The following ASNS variants were observed in gnomAD, a reference collection of about 807,000 sequenced individuals.
ASNS encodes asparagine synthetase (glutamine-hydrolyzing).
ASNS carries 37 observed loss-of-function variants against 62.6 expected under a neutral mutation model. That is an observed-to-expected ratio of 0.59 (90% confidence interval 0.45 to 0.78). The LOEUF is 0.78. Ranked by LOEUF, ASNS falls within the 30% of genes least tolerant of loss-of-function variation. ASNS has a pLI of 0.00. For synonymous variants in ASNS, 207 were observed against 237.9 expected (o/e 0.87, Z 1.19); for missense variants, 520 against 682.4 (o/e 0.76, Z 2.65).
chr7:97,887,046 A>C, the ASNS span, among the ~76,000 whole-genome samples: 1 of 152,314 alleles, frequency 6.6e-6, no homozygotes, highest in Admixed American at 6.5e-5. Flanking sequence ...GTAAAAGTCT[A>C]TATATATATT....
chr7:97,922,991 T>C, the ASNS span, among the ~76,000 whole-genome samples: 1 of 146,232 alleles, frequency 6.8e-6, no homozygotes, highest in Non-Finnish European at 1.5e-5. Context: ...AGTTCCGCCA[T>C]GTTGGCTAGG....
chr7:97,889,152 T>C, the ASNS span, among the ~76,000 whole-genome samples: 1 of 152,270 alleles, frequency 6.6e-6, no homozygotes, highest in African/African-American at 2.4e-5. Flanking sequence ...CCACCACCGC[T>C]ACCACTGATG....
At chr7:97,886,280 G>A in the ASNS span, among the ~76,000 whole-genome samples, 1 of 152,056 alleles carries the variant, frequency 6.6e-6, no homozygotes, top group Admixed American at 6.6e-5. Flanking sequence ...CCTGAGTAGT[G>A]TGGGACTACA....
intron 3 of ASNS, 131 bp from the exon 4 acceptor site, chr7:97,864,627 A>G: frequency 1.5e-6 from 1 of 679,118 alleles, no homozygotes; most frequent in Admixed American, 2.6e-5. Context: ...TAGGAGAATC[A>G]CAGCATTATT....
At chr7:97,861,179 G>A (rs749674385) in intron 4 of ASNS, among the ~76,000 whole-genome samples, 3 of 151,886 alleles carry the variant, frequency 2.0e-5, no homozygotes, top group African/African-American at 7.3e-5. Context: ...CCGCCACCAC[G>A]CCCGGCTAAT....
chr7:97,909,666 GC>G, the ASNS span, among the ~76,000 whole-genome samples: 1 of 151,870 alleles, frequency 6.6e-6, no homozygotes, highest in Non-Finnish European at 1.5e-5. Context: ...AGTCAGAATG[GC>G]CCCCACGTGG....
the ASNS span, among the ~76,000 whole-genome samples, chr7:97,911,916 A>C: frequency 6.6e-6 from 1 of 152,212 alleles, no homozygotes; most frequent in Non-Finnish European, 1.5e-5. Context: ...GTGCCTCTAG[A>C]AGTGTCCAAG....
At chr7:97,855,517 C>G in intron 8 of ASNS, 58 bp from the exon 9 acceptor site, 1 of 1,307,468 alleles carries the variant, frequency 7.6e-7, no homozygotes, top group Non-Finnish European at 1.1e-6. Flanking sequence ...CCAAAAATGC[C>G]TTTGATTTGA....
chr7:97,903,082 G>A, the ASNS span, among the ~76,000 whole-genome samples: 1 of 152,102 alleles, frequency 6.6e-6, no homozygotes, highest in South Asian at 2.1e-4. Flanking sequence ...AGAAATTGCT[G>A]AGCCAAAATG....
Position 97,852,059 on chromosome 7 carries a change from G to C in ASNS, c.*200C>G, listed in dbSNP as rs1280039575. ...CCTAGCTTACCCTCCACTTTACTGT[G>C]ATACAGCAAAACAGTTCTAGTTACC... On this transcript the variant is annotated 3_prime_UTR_variant, in exon 13 of 13. Coordinates refer to ENST00000394308, the MANE Select transcript of ASNS (RefSeq NM_001673.5). 3.3e-6 allele frequency: 2 copies of C among 607,632 alleles called. No individual in the cohort carries two copies. Among genetic ancestry groups the C allele is most frequent in the Non-Finnish European group, 5.7e-6 (2 of 353,808 alleles). The allele number at this position is 607,632 out of a possible 1,614,324, so 37.6% of individuals were successfully genotyped here.
rs1481539409 is a variant in ASNS at position 97,859,284 on chromosome 7, AT to A, written c.601del (p.Met201TrpfsTer28). On this transcript the variant is annotated frameshift_variant, in exon 5 of 13. Coordinates refer to ENST00000394308, the MANE Select transcript of ASNS (RefSeq NM_001673.5). LOFTEE classifies it high-confidence loss of function. ...ATCCCGACAGTGATGATATTTAACC[AT>A]TTCCACGGATGCAACTTTGCCATTT... is the stretch of plus-strand genomic sequence containing the variant. ...KPNGKVASVEMVKYHHCRDVP... is the reference protein window; with the variant it reads ...KPNGKVASVEXVKYHHCRDVP... 2.5e-6 allele frequency: 4 copies of A among 1,614,074 alleles called. No individual in the cohort carries two copies. Among genetic ancestry groups the A allele is most frequent in the Non-Finnish European group, 3.4e-6 (4 of 1,180,044 alleles).
the ASNS span, among the ~76,000 whole-genome samples, chr7:97,899,630 T>C: frequency 6.6e-6 from 1 of 152,254 alleles, no homozygotes; most frequent in East Asian, 1.9e-4. Flanking sequence ...CTACCAGCCC[T>C]AAGCAACCAC....
chr7:97,876,110 G>A (rs1218279939), upstream of ASNS, among the ~76,000 whole-genome samples: 2 of 152,140 alleles, frequency 1.3e-5, no homozygotes, highest in Admixed American at 1.3e-4. Context: ...ACCTGCCTCG[G>A]CCTCCCAAAG....
At chr7:97,855,987 T>C (rs1170211893) in intron 8 of ASNS, among the ~76,000 whole-genome samples, 1 of 152,208 alleles carries the variant, frequency 6.6e-6, no homozygotes, top group Non-Finnish European at 1.5e-5. Context: ...TTGTTTTTAT[T>C]ATCACCTCAG....
At chr7:97,908,891 T>C in the ASNS span, 3 of 152,172 alleles carry the variant, frequency 2.0e-5, no homozygotes, top group Admixed American at 6.6e-5. Flanking sequence ...AGGGCCTGCA[T>C]GCAGAGTGAG....
At chr7:97,891,064 C>A in the ASNS span, among the ~76,000 whole-genome samples, 131 of 133,922 alleles carry the variant, frequency 9.8e-4, no homozygotes, top group East Asian at 4.8e-3. Context: ...ACATACCTGA[C>A]TGAGACTGGG....
the ASNS span, among the ~76,000 whole-genome samples, chr7:97,882,675 C>T: frequency 8.5e-3 from 1,289 of 151,908 alleles, 16 homozygotes; most frequent in African/African-American, 0.03. Context: ...AAACTAGAAT[C>T]ACTCCATTGA....
chr7:97,852,959 C>G (rs1156490212), intron 12 of ASNS, 101 bp downstream of exon 12: 1 of 1,151,160 alleles, frequency 8.7e-7, no homozygotes, highest in Admixed American at 3.1e-5. Context: ...ATCATTCAAA[C>G]TAAATACATG....
the ASNS span, among the ~76,000 whole-genome samples, chr7:97,903,539 C>T: frequency 1.8e-4 from 28 of 152,306 alleles, no homozygotes; most frequent in East Asian, 5.4e-3. Context: ...CCATTCACTC[C>T]AGGGAGGTAC....
Sources: allele counts gnomAD v4.1 joint callset (sites outside exome capture counted in the v4.1 genomes callset), GRCh38; gene constraint gnomAD v4.1.1; transcripts MANE v1.5; gene names NCBI Gene and HGNC (gene_info 2026-07-23, HGNC 2026-07-21).